Variants in MYCT1 observed in about 807,000 individuals in gnomAD.
MYCT1 encodes the protein MYC target 1, also known as myc target protein 1.
MYCT1 carries 12 observed loss-of-function variants against 15.0 expected under a neutral mutation model. That is an observed-to-expected ratio of 0.80 (90% CI 0.51 to 1.29). MYCT1 has a LOEUF of 1.29. MYCT1 is among the 50% of genes most tolerant of loss of function. The probability of loss-of-function intolerance (pLI) is 0.00; values close to 1 mark genes in which losing one functional copy is unlikely to be tolerated. For synonymous variants in MYCT1, 104 were observed against 102.7 expected (o/e 1.01, Z -0.07); for missense variants, 287 against 279.1 (o/e 1.03, Z -0.20).
At chr6:152,727,823 T>A (rs141443353), downstream of MYCT1, among the ~76,000 whole-genome samples, 58 of 152,088 alleles carry the variant, frequency 3.8e-4, no homozygotes, top group East Asian at 9.1e-3. Context: ...ATTCTCAGAG[T>A]GCCAGGGACT....
At chr6:152,712,936 G>A (rs2099723005) in intron 1 of MYCT1, among the ~76,000 whole-genome samples, 1 of 151,872 alleles carries the variant, frequency 6.6e-6, no homozygotes, top group African/African-American at 2.4e-5. Flanking sequence ...TTGATTTGTA[G>A]ATTAATTTGT....
chr6:152,745,416 T>C, the MYCT1 span, among the ~76,000 whole-genome samples: 12 of 152,088 alleles, frequency 7.9e-5, no homozygotes, highest in Non-Finnish European at 1.6e-4. Flanking sequence ...TGAGCTACAG[T>C]TGTGCCACTG....
the MYCT1 span, among the ~76,000 whole-genome samples, chr6:152,734,296 T>C: frequency 9.8e-4 from 150 of 152,320 alleles, 2 homozygotes; most frequent in East Asian, 0.022. Context: ...ATTTCAGTCC[T>C]CCAACTCTTC....
At chr6:152,707,933 G>T (rs1393727605) in intron 1 of MYCT1, among the ~76,000 whole-genome samples, 2 of 151,994 alleles carry the variant, frequency 1.3e-5, no homozygotes, top group African/African-American at 2.4e-5. Context: ...CAAGTGGTGT[G>T]ATGCTTCCAG....
In MYCT1 at chr6:152,724,394, ATCT is replaced by A. The variant is rs2099725254; in HGVS notation, c.*2142_*2144del. On this transcript the variant is annotated 3_prime_UTR_variant, in exon 2 of 2. Coordinates refer to ENST00000367245, the MANE Select transcript of MYCT1 (RefSeq NM_025107.3). Reference sequence around the variant, plus strand: ...CAGAAATCCTCTGGGGCATTTAACCATCTGGCAGAATTGTTGCTGCACCCTTAT... The same window carrying A: ...CAGAAATCCTCTGGGGCATTTAACCAGGCAGAATTGTTGCTGCACCCTTAT... The A allele has an allele frequency of 6.6e-6, 1 of 152,210 alleles. No individual in the cohort carries two copies. The allele number at this position is 152,210 out of a possible 1,614,324, so 9.4% of individuals were successfully genotyped here.
At position 152,713,296 on chromosome 6, in the gene MYCT1, A is replaced by G. The variant is rs2099723068; in HGVS notation, c.197-8446A>G. 4.6e-5 allele frequency among the ~76,000 whole-genome samples: 7 copies of G among 151,900 alleles called. No individual in the cohort carries two copies. The South Asian group carries it at 1.5e-3, about 32-fold the overall frequency. On this transcript the variant is annotated intron_variant, in intron 1 of 1. Coordinates refer to ENST00000367245, the MANE Select transcript of MYCT1 (RefSeq NM_025107.3). ...GCTGAAATTTCCTATCATTTTATTCATTGTGAGTGTTTTACTTGAAATCAT... is the reference window on the plus strand; with the variant it reads ...GCTGAAATTTCCTATCATTTTATTCGTTGTGAGTGTTTTACTTGAAATCAT...
At chr6:152,737,437 T>A in the MYCT1 span, among the ~76,000 whole-genome samples, 1 of 152,036 alleles carries the variant, frequency 6.6e-6, no homozygotes, top group South Asian at 2.1e-4. Context: ...CCAGAGAGAT[T>A]GGATAACTTG....
the MYCT1 span, among the ~76,000 whole-genome samples, chr6:152,741,678 T>A: frequency 6.6e-6 from 1 of 152,184 alleles, no homozygotes; most frequent in South Asian, 2.1e-4. Context: ...AAATATTCCC[T>A]TTTCTGTTGT....
chr6:152,714,794 A>C (rs1166793929), intron 1 of MYCT1, among the ~76,000 whole-genome samples: 1 of 150,194 alleles, frequency 6.7e-6, no homozygotes, highest in African/African-American at 2.5e-5. Flanking sequence ...TTTATAACAC[A>C]TATATATATA....
chr6:152,740,453 A>G, the MYCT1 span, among the ~76,000 whole-genome samples: 1 of 152,218 alleles, frequency 6.6e-6, no homozygotes, highest in Non-Finnish European at 1.5e-5. Context: ...GTTTAACCAT[A>G]TAGAATTTTT....
At chr6:152,744,616 C>A in the MYCT1 span, among the ~76,000 whole-genome samples, 3 of 152,080 alleles carry the variant, frequency 2.0e-5, no homozygotes, top group Admixed American at 1.3e-4. Context: ...CTGAATCTTG[C>A]GGGAGGAATG....
the MYCT1 span, among the ~76,000 whole-genome samples, chr6:152,730,417 C>A: frequency 6.6e-6 from 1 of 152,234 alleles, no homozygotes; most frequent in Non-Finnish European, 1.5e-5. Flanking sequence ...GAACAAGATA[C>A]ACAGACATTG....
the MYCT1 span, among the ~76,000 whole-genome samples, chr6:152,736,607 G>A: frequency 6.6e-6 from 1 of 151,934 alleles, no homozygotes; most frequent in Non-Finnish European, 1.5e-5. Context: ...CTGAAAACAG[G>A]GTTTGCATTT....
downstream of MYCT1, among the ~76,000 whole-genome samples, chr6:152,728,521 A>G (rs2099726042): frequency 6.7e-6 from 1 of 150,236 alleles, no homozygotes; most frequent in Non-Finnish European, 1.5e-5. Flanking sequence ...TCACTGGTGA[A>G]AATGAACATA....
the MYCT1 span, among the ~76,000 whole-genome samples, chr6:152,746,228 G>A: frequency 6.6e-6 from 1 of 152,206 alleles, no homozygotes; most frequent in Non-Finnish European, 1.5e-5. Flanking sequence ...TTGAAGGCTG[G>A]TTGCATGGAA....
At chr6:152,721,330 G>A (rs999398360) in intron 1 of MYCT1, among the ~76,000 whole-genome samples, 1 of 152,172 alleles carries the variant, frequency 6.6e-6, no homozygotes, top group East Asian at 1.9e-4. Flanking sequence ...ACATCAAAGT[G>A]ATGACAAAAT....
chr6:152,705,572 C>T (rs1372549868), intron 1 of MYCT1, among the ~76,000 whole-genome samples: 1 of 151,680 alleles, frequency 6.6e-6, no homozygotes, highest in Non-Finnish European at 1.5e-5. Flanking sequence ...ATAACATTCC[C>T]TTATTATATA....
chr6:152,721,824 G>C lies in MYCT1; in HGVS notation c.279G>C (p.Leu93=). Residue 93 remains leucine (L), a synonymous_variant, in exon 2 of 2, where the codon CTG becomes CTC. Transcript: ENST00000367245. The stretch of plus-strand genomic sequence containing the variant: ...TTATTTGGGCTGTGTTCATTTGTCT[G>C]TCTCGAAGAAGAAGAGCCAGTGCTC... ...GGFIWAVFIC[L]SRRRRASAPI... The C allele has an allele frequency of 6.2e-7, 1 of 1,614,062 alleles. No individual in the cohort carries two copies. Among genetic ancestry groups the C allele is most frequent in the Non-Finnish European group, 8.5e-7 (1 of 1,180,016 alleles).
At chr6:152,742,954 C>T in the MYCT1 span, among the ~76,000 whole-genome samples, 1 of 152,166 alleles carries the variant, frequency 6.6e-6, no homozygotes, top group South Asian at 2.1e-4. Flanking sequence ...AAGAAAGAAG[C>T]ACCCTGTGCC....
Sources: allele counts gnomAD v4.1 joint callset (sites outside exome capture counted in the v4.1 genomes callset), GRCh38; gene constraint gnomAD v4.1.1; transcripts MANE v1.5; gene names NCBI Gene and HGNC (gene_info 2026-07-23, HGNC 2026-07-21).